UGGT2: variants seen among roughly 807,000 people sequenced by gnomAD.
UGGT2 encodes the protein UDP-glucose:glycoprotein glucosyltransferase 2.
UGGT2 carries 180 observed loss-of-function variants against 192.1 expected under a neutral mutation model. The ratio of observed to expected loss-of-function variants is 0.94; its 90% CI spans 0.83 to 1.06. The LOEUF (loss-of-function observed/expected upper bound fraction) is 1.06, where lower values mean the gene tolerates loss of function less well. Ranked by LOEUF, UGGT2 falls within the 50% of genes least tolerant of loss-of-function variation. The probability of loss-of-function intolerance (pLI) is 0.00; values close to 1 mark genes in which losing one functional copy is unlikely to be tolerated. For synonymous variants in UGGT2, 580 were observed against 591.0 expected (o/e 0.98, Z 0.27); for missense variants, 1,849 against 1,795.7 (o/e 1.03, Z -0.54).
intron 9 of UGGT2, chr13:95,984,825 G>A (rs1408656625): frequency 2.0e-5 from 3 of 152,108 alleles, no homozygotes; most frequent in African/African-American, 7.2e-5. Context: ...AAGTAGAAAG[G>A]TGTACCTTGA....
intron 20 of UGGT2, among the ~76,000 whole-genome samples, chr13:95,922,646 A>ACC (rs202009378): frequency 1.6e-5 from 2 of 124,654 alleles, no homozygotes; most frequent in South Asian, 2.5e-4. Context: ...ACATGGCAAA[A>ACC]CCCGTCTCTA....
Position 95,801,782 on chromosome 13 carries a change from C to A in UGGT2, c.*8G>T, listed in dbSNP as rs1884068878. On this transcript the variant is annotated 3_prime_UTR_variant, in exon 39 of 39. Transcript: ENST00000376747. ...ATGCTTTCGCCTTCCTTCTCATATA[C>A]ACCAGTGCTAGAGTTCATCATGTGT... 1 of 1,612,988 alleles carries A rather than the reference C, an allele frequency of 6.2e-7. No individual in the cohort carries two copies. The highest frequency in any genetic ancestry group is 1.1e-5 in the South Asian group (1 of 90,886).
At chr13:96,023,591 G>A in intron 3 of UGGT2, 38 bp downstream of exon 3, 1 of 1,579,400 alleles carries the variant, frequency 6.3e-7, no homozygotes, top group Non-Finnish European at 8.6e-7. Context: ...TTGCTAGCGT[G>A]CCTCTTTGTC....
intron 9 of UGGT2, among the ~76,000 whole-genome samples, 196 bp downstream of exon 9, chr13:95,986,135 CAT>C (rs2051282544): frequency 7.7e-6 from 1 of 129,874 alleles, no homozygotes; most frequent in Non-Finnish European, 1.8e-5. Flanking sequence ...CCTTACAGTG[CAT>C]ACACACATGT....
At position 95,927,221 on chromosome 13, in the gene UGGT2, G is replaced by A. The variant is rs1029585438; in HGVS notation, c.2093C>T (p.Ser698Phe). 5 of 1,611,278 alleles carry A rather than the reference G, an allele frequency of 3.1e-6. No individual in the cohort carries two copies. The African/African-American group carries it at 5.3e-5, about 17-fold the overall frequency. The change falls in exon 18 of 39, where the codon TCT (serine) becomes TTT (phenylalanine). Residue 698 changes from serine to phenylalanine, a missense_variant. By Grantham distance (155) the Ser-to-Phe change is radical. Coordinates refer to ENST00000376747, the MANE Select transcript of UGGT2 (RefSeq NM_020121.4). Reference sequence around the variant, plus strand: ...GTATAGGATTATTTTACCTGATGTAGATATTAAATTGAGGTACTGCTGGTT... The same window carrying A: ...GTATAGGATTATTTTACCTGATGTAAATATTAAATTGAGGTACTGCTGGTT... ...RTNQQYLNLI[S>F]TSVTADVEDF...
intron 20 of UGGT2, among the ~76,000 whole-genome samples, chr13:95,904,564 C>T (rs1281167865): frequency 2.0e-5 from 3 of 150,426 alleles, no homozygotes; most frequent in East Asian, 2.0e-4. Flanking sequence ...TTTGTTCTTG[C>T]GATAGTTTAC....
chr13:95,985,121 A>T (rs954829057), intron 9 of UGGT2: 6 of 399,196 alleles, frequency 1.5e-5, no homozygotes, highest in Non-Finnish European at 2.5e-5. Context: ...CAATAGAGCT[A>T]ATCAACTGTC....
At chr13:95,990,383 T>C (rs535514714) in intron 7 of UGGT2, 2 of 159,778 alleles carry the variant, frequency 1.3e-5, no homozygotes, top group Non-Finnish European at 2.7e-5. Flanking sequence ...ATACTTTTTG[T>C]TTAACATTTT....
intron 5 of UGGT2, among the ~76,000 whole-genome samples, chr13:96,004,172 C>T (rs1286400850): frequency 8.2e-6 from 1 of 122,324 alleles, no homozygotes; most frequent in African/African-American, 2.7e-5. Context: ...CTAAGCAACT[C>T]TAGGAAAAAA....
chr13:95,999,724 G>A (rs1465480873), intron 5 of UGGT2, among the ~76,000 whole-genome samples: 3 of 152,036 alleles, frequency 2.0e-5, no homozygotes, highest in East Asian at 1.9e-4. Context: ...TCTAGATGTA[G>A]GACTAGAGTG....
chr13:96,034,675 G>A (rs1380682402), intron 1 of UGGT2, among the ~76,000 whole-genome samples: 1 of 152,200 alleles, frequency 6.6e-6, no homozygotes, highest in Non-Finnish European at 1.5e-5. Context: ...GCTTCCAGGT[G>A]CCACTGCATT....
chr13:95,920,462 G>A (rs945458392), intron 20 of UGGT2, among the ~76,000 whole-genome samples: 1 of 151,548 alleles, frequency 6.6e-6, no homozygotes, highest in Non-Finnish European at 1.5e-5. Flanking sequence ...TCTGACCAAG[G>A]TCTAATATCC....
chr13:95,856,275 G>A lies in UGGT2; in HGVS notation c.3891C>T (p.Pro1297=). 1.2e-6 allele frequency: 2 copies of A among 1,613,568 alleles called. No individual in the cohort carries two copies. Among genetic ancestry groups the A allele is most frequent in the Non-Finnish European group, 1.7e-6 (2 of 1,179,812 alleles). Residue 1297 remains proline (P), a synonymous_variant, in exon 34 of 39, where the codon CCC becomes CCT. Transcript: ENST00000376747. ...FRYELVQYRW[P]RWLRQQTERQ... is the part of the protein sequence containing the mutation. ...TTTCAGTCTGTTGACGAAGCCAACG[G>A]GGCCACCTATATTGAACTAGTTCAT...
At chr13:95,825,901 G>GT (rs1246146961) in intron 38 of UGGT2, among the ~76,000 whole-genome samples, 3 of 152,138 alleles carry the variant, frequency 2.0e-5, no homozygotes, top group African/African-American at 7.2e-5. Flanking sequence ...TCTCCTAGGA[G>GT]TAGGAGTCTC....
intron 4 of UGGT2, among the ~76,000 whole-genome samples, chr13:96,018,515 C>CA (rs2052408843): frequency 6.6e-6 from 1 of 151,486 alleles, no homozygotes; most frequent in Non-Finnish European, 1.5e-5. Flanking sequence ...GACCTTGTCT[C>CA]AAAAAAATAA....
chr13:95,846,336 A>G (rs931281077), intron 36 of UGGT2, among the ~76,000 whole-genome samples: 2 of 151,878 alleles, frequency 1.3e-5, no homozygotes, highest in Admixed American at 1.3e-4. Context: ...GAGGCAGGAG[A>G]ATCACGCAGG....
rs185314901 is a variant in UGGT2, at chr13:95,838,993, C to A, written c.4285-1791G>T. 1.7e-4 allele frequency among the ~76,000 whole-genome samples: 26 copies of A among 152,128 alleles called. 1 individual carries two copies. In the East Asian group the frequency reaches 4.8e-3, roughly 28 times the overall value. On this transcript the variant is annotated intron_variant, in intron 36 of 38. Transcript: ENST00000376747. ...TCCCTCATTCCTTGATGTATTCACC[C>A]CTATATAGTTATTCTTCTGAATATA...
chr13:95,952,601 AGG>A (rs2050100839), intron 12 of UGGT2, among the ~76,000 whole-genome samples: 1 of 152,122 alleles, frequency 6.6e-6, no homozygotes, highest in Non-Finnish European at 1.5e-5. Flanking sequence ...AGTTGAATCC[AGG>A]CATGTGGAAC....
intron 21 of UGGT2, 47 bp from the exon 22 acceptor site, chr13:95,900,985 TA>T: frequency 7.6e-7 from 1 of 1,321,328 alleles, no homozygotes. Flanking sequence ...GAACAGTAAA[TA>T]TATTAAATCA....
Sources: gnomAD v4.1 joint callset for allele counts (sites outside exome capture counted in the v4.1 genomes callset) on GRCh38, gnomAD v4.1.1 for gene constraint, MANE v1.5 for transcripts, NCBI Gene and HGNC (gene_info 2026-07-23, HGNC 2026-07-21) for gene names.